HEATR4: variants seen among roughly 807,000 people sequenced by gnomAD.
HEATR4 encodes the protein HEAT repeat-containing protein 4.
A neutral mutation model predicts 108.8 loss-of-function variants in HEATR4; 95 were observed. That is an observed-to-expected ratio of 0.87 (90% CI 0.74 to 1.04). The LOEUF (loss-of-function observed/expected upper bound fraction) is 1.04, where lower values mean the gene tolerates loss of function less well. HEATR4 is among the 50% of genes least tolerant of loss of function. The pLI, the probability that HEATR4 is intolerant of heterozygous loss-of-function variation, is 0.00. For missense variants in HEATR4, 1,152 were observed against 1,253.8 expected (o/e 0.92, Z 1.23); for synonymous variants, 443 against 459.4 (o/e 0.96, Z 0.46).
At chr14:73,579,278 A>C in the HEATR4 span, among the ~76,000 whole-genome samples, 4 of 144,590 alleles carry the variant, frequency 2.8e-5, no homozygotes, top group Admixed American at 1.4e-4. Context: ...AAAAAAAAAA[A>C]AAAAAAAAAA....
rs765227605 is a variant in HEATR4 at position 73,508,163 on chromosome 14, T to C, written c.1852A>G (p.Ile618Val). ...KNEDTEEQSY[I>V]LLSYLSEKTT... Reference sequence around the variant, plus strand: ...TTCTCACTCAGATAGCTCAGGAGGATATAAGACTGTTCCTCAGTGTCCTCA... The same window carrying C: ...TTCTCACTCAGATAGCTCAGGAGGACATAAGACTGTTCCTCAGTGTCCTCA... The change falls in exon 9 of 18, where the codon ATC (isoleucine) becomes GTC (valine). Residue 618 changes from isoleucine (I) to valine (V), a missense_variant. Ile to Val is a conservative substitution (Grantham distance 29, BLOSUM62 3). Transcript: ENST00000553558. 1 of 1,614,146 alleles carries C rather than the reference T, an allele frequency of 6.2e-7. No individual in the cohort carries two copies. Among genetic ancestry groups the C allele is most frequent in the South Asian group, 1.1e-5 (1 of 91,088 alleles).
chr14:73,519,017 G>A lies in HEATR4; in HGVS notation c.1210+6C>T. On this transcript the variant is annotated splice_donor_region_variant and intron_variant, in intron 5 of 17. Transcript: ENST00000553558. ...CCCCTGCCTTCCCTGTTAGCTTCCTGCTTACATGCTTCAGGAATTGCCTGG... is the reference window on the plus strand; with the variant it reads ...CCCCTGCCTTCCCTGTTAGCTTCCTACTTACATGCTTCAGGAATTGCCTGG... 4.3e-6 allele frequency: 7 copies of A among 1,610,636 alleles called. No individual in the cohort carries two copies. The highest frequency in any genetic ancestry group is 5.9e-6 in the Non-Finnish European group (7 of 1,178,254).
At chr14:73,627,271 C>T in the HEATR4 span, among the ~76,000 whole-genome samples, 6 of 151,958 alleles carry the variant, frequency 3.9e-5, no homozygotes, top group Non-Finnish European at 8.8e-5. Context: ...GGAGGTTTCT[C>T]CCCACACACC....
At chr14:73,621,131 T>C in the HEATR4 span, among the ~76,000 whole-genome samples, 2 of 152,000 alleles carry the variant, frequency 1.3e-5, no homozygotes, top group Non-Finnish European at 2.9e-5. Context: ...GAGAATTGCT[T>C]GAACTCAGGA....
rs928636181 is a variant in HEATR4, at chr14:73,554,348, T to G, written c.-152+4403A>C. On this transcript the variant is annotated intron_variant, in intron 1 of 17. Coordinates refer to ENST00000553558, the MANE Select transcript of HEATR4 (RefSeq NM_001220484.1). ...AATCTTGATAGTAAAAGTGGAAAAC[T>G]TATTATAAATGGAAAGAAAGTTTTG... is the stretch of plus-strand genomic sequence containing the variant. Among the ~76,000 whole-genome samples, 7 of 115,328 alleles carry G rather than the reference T, an allele frequency of 6.1e-5. 1 individual carries two copies. Among genetic ancestry groups the G allele is most frequent in the African/African-American group, 2.0e-4 (7 of 35,700 alleles). 75.7% of individuals were successfully genotyped at this position (115,328 alleles called of 152,430 possible).
At chr14:73,482,391 A>G (rs1419274476) in intron 17 of HEATR4, among the ~76,000 whole-genome samples, 1 of 152,090 alleles carries the variant, frequency 6.6e-6, no homozygotes, top group African/African-American at 2.4e-5. Flanking sequence ...GCATGGTGGC[A>G]GGCGATTGTA....
chr14:73,624,860 A>T, the HEATR4 span, among the ~76,000 whole-genome samples: 1 of 152,138 alleles, frequency 6.6e-6, no homozygotes, highest in Non-Finnish European at 1.5e-5. Context: ...AAAGTACTTA[A>T]CATATTTTAA....
intron 2 of HEATR4, among the ~76,000 whole-genome samples, chr14:73,526,568 AC>A (rs1263829182): frequency 2.0e-5 from 3 of 152,030 alleles, no homozygotes; most frequent in African/African-American, 4.8e-5. Context: ...AAGTTGCAAG[AC>A]AAAGTCCAGA....
At chr14:73,594,602 T>C in the HEATR4 span, among the ~76,000 whole-genome samples, 1 of 152,260 alleles carries the variant, frequency 6.6e-6, no homozygotes, top group South Asian at 2.1e-4. Context: ...GATTTTCTTG[T>C]GGATGATTCC....
intron 11 of HEATR4, among the ~76,000 whole-genome samples, chr14:73,501,834 A>G (rs894683734): frequency 2.0e-5 from 3 of 151,168 alleles, no homozygotes; most frequent in African/African-American, 7.3e-5. Flanking sequence ...GCTCACTGCA[A>G]GCTCCAACTC....
chr14:73,497,146 T>C (rs1886155063), intron 14 of HEATR4, among the ~76,000 whole-genome samples: 1 of 152,228 alleles, frequency 6.6e-6, no homozygotes, highest in Non-Finnish European at 1.5e-5. Flanking sequence ...TCCACCCGCC[T>C]TGGCCTCCCA....
intron 1 of HEATR4, among the ~76,000 whole-genome samples, chr14:73,551,808 TTA>T (rs1491247265): frequency 2.9e-5 from 3 of 102,968 alleles, no homozygotes; most frequent in African/African-American, 9.6e-5. Flanking sequence ...AATCTCCGTC[TTA>T]AAAAAAAAAA....
intron 17 of HEATR4, among the ~76,000 whole-genome samples, chr14:73,485,527 C>G (rs1300718297): frequency 3.3e-5 from 5 of 152,018 alleles, no homozygotes; most frequent in African/African-American, 1.2e-4. Context: ...CTTAGCCTCC[C>G]TAGTAGCTGG....
the HEATR4 span, among the ~76,000 whole-genome samples, chr14:73,584,070 C>T: frequency 6.6e-6 from 1 of 151,826 alleles, no homozygotes; most frequent in African/African-American, 2.4e-5. Flanking sequence ...GGGAAGAAAG[C>T]CTCAGATGGG....
the HEATR4 span, chr14:73,569,802 G>C: frequency 1.2e-5 from 20 of 1,602,974 alleles, no homozygotes; most frequent in South Asian, 2.0e-4. Flanking sequence ...GACGCGGCAC[G>C]AGCGCTACTT....
In HEATR4 at chr14:73,492,117, A is replaced by G; in HGVS notation, c.2844+949T>C. On this transcript the variant is annotated intron_variant, in intron 17 of 17. Transcript: ENST00000553558. The surrounding 1 kb of genome is among the most constrained non-coding windows in gnomAD (Gnocchi z 4.9). ...GTATACCGACCCCGAGTCCCAACCGAGGAACTGGCTCTGACATCCAGCCCC... is the reference window on the plus strand; with the variant it reads ...GTATACCGACCCCGAGTCCCAACCGGGGAACTGGCTCTGACATCCAGCCCC... 6.2e-7 allele frequency: 1 copy of G among 1,613,850 alleles called. No homozygotes were observed. The highest frequency in any genetic ancestry group is 8.5e-7 in the Non-Finnish European group (1 of 1,179,814).
chr14:73,520,623 T>G (rs1280950225), intron 4 of HEATR4: 1 of 436,896 alleles, frequency 2.3e-6, no homozygotes, highest in Non-Finnish European at 4.1e-6. Context: ...GCCTCTTTAG[T>G]AAGATAGAGG....
chr14:73,579,561 C>T, the HEATR4 span, among the ~76,000 whole-genome samples: 2 of 63,330 alleles, frequency 3.2e-5, 1 homozygote, highest in South Asian at 9.0e-4. Context: ...GGCAAAAGGG[C>T]AAAAGCCGTC....
intron 17 of HEATR4, among the ~76,000 whole-genome samples, chr14:73,481,909 G>A (rs1015923601): frequency 6.6e-6 from 1 of 151,692 alleles, no homozygotes; most frequent in African/African-American, 2.4e-5. Context: ...GAGGTGGGAG[G>A]ATCACTTGAG....
Sources: gnomAD v4.1 joint callset for allele counts (sites outside exome capture counted in the v4.1 genomes callset) on GRCh38, gnomAD v4.1.1 for gene constraint, Gnocchi (gnomAD v3.1) non-coding constraint, MANE v1.5 for transcripts, NCBI Gene and HGNC (gene_info 2026-07-23, HGNC 2026-07-21) for gene names.